Variants in COG7 observed in about 807,000 individuals in gnomAD.
The protein encoded by COG7 is component of oligomeric golgi complex 7.
A neutral mutation model predicts 91.5 loss-of-function variants in COG7; 49 were observed. The observed-to-expected ratio is 0.54, with a 90% CI of 0.43 to 0.68. The LOEUF (loss-of-function observed/expected upper bound fraction) is 0.68. COG7 is among the 30% of genes least tolerant of loss of function. The pLI, the probability that COG7 is intolerant of heterozygous loss-of-function variation, is 0.00. For missense variants in COG7, 895 were observed against 961.3 expected, an observed-to-expected ratio of 0.93 and a Z score of 0.91; for synonymous variants, 365 against 388.7, an observed-to-expected ratio of 0.94 and a Z score of 0.72.
At chr16:23,417,190 T>C (rs1963671119) in intron 8 of COG7, 69 bp from the exon 9 acceptor site, 2 of 1,507,358 alleles carry the variant, frequency 1.3e-6, no homozygotes, top group Admixed American at 1.7e-5. Flanking sequence ...GGGGAAGACC[T>C]CCAAGCCTTC....
rs1365721094 is a variant in COG7 at position 23,446,663 on chromosome 16, G to T, written c.170-702C>A. 6 of 153,090 alleles carry T rather than the reference G, an allele frequency of 3.9e-5. 1 individual carries two copies. The highest frequency in any genetic ancestry group is 2.6e-4 in the Admixed American group (4 of 15,330). The allele number at this position is 153,090 out of a possible 1,614,324, so 9.5% of individuals were successfully genotyped here. ...GACGGGGTTTCACCATGTTGGCCAG[G>T]CTGGTCTTGAACCCCTGACCTCAGG... is the stretch of plus-strand genomic sequence containing the variant. On this transcript the variant is annotated intron_variant, in intron 1 of 16. Transcript: ENST00000307149.
At chr16:23,433,523 T>C in intron 6 of COG7, 22 bp downstream of exon 6, 1 of 1,613,868 alleles carries the variant, frequency 6.2e-7, no homozygotes, top group Non-Finnish European at 8.5e-7. Flanking sequence ...CTGTTCTCCC[T>C]AGAACAAAAA....
chr16:23,417,070 T>G lies in COG7; in HGVS notation c.1189A>C (p.Lys397Gln). ...CVQELSHSVN[K>Q]LFGLASAAVD... ...GCTGCAGACGCCAGACCAAACAGCT[T>G]GTTCACGGAGTGGCTCAGCTCCTGC... Residue 397 changes from lysine (K) to glutamine (Q), a missense_variant, in exon 9 of 17, where the codon AAG becomes CAG. Coordinates refer to ENST00000307149, the MANE Select transcript of COG7 (RefSeq NM_153603.4). 2 of 1,614,226 alleles carry G rather than the reference T, an allele frequency of 1.2e-6. No individual in the cohort carries two copies. Among genetic ancestry groups the G allele is most frequent in the Non-Finnish European group, 8.5e-7 (1 of 1,180,038 alleles).
chr16:23,403,741 C>G lies in COG7; in HGVS notation c.1756G>C (p.Val586Leu). The G allele has an allele frequency of 2.5e-6, 4 of 1,614,192 alleles. No homozygotes were observed. Among genetic ancestry groups the G allele is most frequent in the Non-Finnish European group, 3.4e-6 (4 of 1,180,030 alleles). The change falls in exon 13 of 17, where the codon GTG becomes CTG. Residue 586 changes from valine (V) to leucine (L), a missense_variant. By Grantham distance (32) the Val-to-Leu change is conservative (BLOSUM62 1). Transcript: ENST00000307149. ...QQAHQLAFDS[V>L]FLRIKQQLLL... ...AGCTGTTGTTTGATGCGCAGGAACA[C>G]GGAATCGAAAGCCAGCTGGTGGGCC... is the stretch of plus-strand genomic sequence containing the variant.
At chr16:23,444,514 T>C (rs550536084) in intron 3 of COG7, among the ~76,000 whole-genome samples, 64 of 148,210 alleles carry the variant, frequency 4.3e-4, no homozygotes, top group Middle Eastern at 3.4e-3. Flanking sequence ...TCTTCTTCTT[T>C]TTTTTTTTTT....
At chr16:23,433,810 G>T in intron 5 of COG7, 143 bp from the exon 6 acceptor site, 5 of 713,802 alleles carry the variant, frequency 7.0e-6, no homozygotes, top group Non-Finnish European at 1.1e-5. Context: ...TCACTTCAAA[G>T]AAAGGCAGGA....
At chr16:23,434,494 C>T (rs1241570081) in intron 5 of COG7, 142 bp downstream of exon 5, 2 of 710,608 alleles carry the variant, frequency 2.8e-6, no homozygotes, top group East Asian at 5.4e-5. Flanking sequence ...AAGAGCACCC[C>T]CTACTGGCTA....
intron 15 of COG7, 131 bp downstream of exon 15, chr16:23,393,102 T>A (rs1183799107): frequency 9.7e-6 from 7 of 718,884 alleles, no homozygotes. Context: ...GTACAAAAAG[T>A]ACATGTTAGA....
Sources: gnomAD v4.1 joint callset for allele counts (sites outside exome capture counted in the v4.1 genomes callset) on GRCh38, gnomAD v4.1.1 for gene constraint, MANE v1.5 for transcripts, NCBI Gene and HGNC (gene_info 2026-07-23, HGNC 2026-07-21) for gene names.